Variants in NLRP7 observed in about 807,000 individuals in gnomAD.
The protein encoded by NLRP7 is NLR family pyrin domain containing 7.
In NLRP7, 72 loss-of-function variants were observed where a neutral mutation model predicts 85.5. The observed-to-expected ratio is 0.84, with a 90% confidence interval of 0.70 to 1.02. NLRP7 has a LOEUF of 1.02. NLRP7 is among the 50% of genes least tolerant of loss of function. The pLI, the probability that NLRP7 is intolerant of heterozygous loss-of-function variation, is 0.00. For missense variants in NLRP7, 1,243 were observed against 1,219.5 expected (o/e 1.02, Z -0.29); for synonymous variants, 550 against 505.2 (o/e 1.09, Z -1.19).
chr19:54,957,002 A>C (rs1035872269), intron 1 of NLRP7, among the ~76,000 whole-genome samples: 1 of 140,608 alleles, frequency 7.1e-6, no homozygotes, highest in African/African-American at 2.9e-5. Flanking sequence ...TCATTTATGT[A>C]TGTATGTATT....
chr19:54,933,542 A>G, intron 8 of NLRP7, 27 bp downstream of exon 8: 2 of 1,608,320 alleles, frequency 1.2e-6, no homozygotes, highest in Non-Finnish European at 1.7e-6. Flanking sequence ...TCATGTGCAC[A>G]CACACACACA....
At chr19:54,952,101 C>A (rs1423034404), upstream of NLRP7, among the ~76,000 whole-genome samples, 1 of 152,090 alleles carries the variant, frequency 6.6e-6, no homozygotes, top group Non-Finnish European at 1.5e-5. Flanking sequence ...AACTCTGGGA[C>A]ATTAGAATTA....
intron 4 of NLRP7, 111 bp downstream of exon 4, chr19:54,938,777 C>T: frequency 8.3e-7 from 1 of 1,203,892 alleles, no homozygotes; most frequent in Non-Finnish European, 1.2e-6. Flanking sequence ...CCACGTTGAA[C>T]ATGAAGCTGG....
intron 5 of NLRP7, among the ~76,000 whole-genome samples, chr19:54,937,187 C>A (rs2068968408): frequency 6.7e-6 from 1 of 149,108 alleles, no homozygotes; most frequent in Non-Finnish European, 1.5e-5. Flanking sequence ...CACTGCACTC[C>A]AGCCTGGGGA....
At chr19:54,955,074 T>C (rs2069808129) in intron 1 of NLRP7, among the ~76,000 whole-genome samples, 2 of 152,140 alleles carry the variant, frequency 1.3e-5, no homozygotes, top group African/African-American at 4.8e-5. Flanking sequence ...ACGCCTGCAA[T>C]CCCAGCACTT....
At chr19:54,936,126 C>G in intron 6 of NLRP7, 135 bp downstream of exon 6, 1 of 775,318 alleles carries the variant, frequency 1.3e-6, no homozygotes, top group Non-Finnish European at 2.2e-6. Context: ...GCCGACTCCC[C>G]CACACAGGCC....
chr19:54,930,115 C>CAAA (rs34446838), intron 9 of NLRP7, among the ~76,000 whole-genome samples: 5 of 100,562 alleles, frequency 5.0e-5, no homozygotes, highest in Admixed American at 2.3e-4. Flanking sequence ...GGCTCCGTCT[C>CAAA]AAAAAAAAAA....
exon 10 of NLRP7, chr19:54,923,576 G>T: frequency 1.3e-6 from 1 of 786,848 alleles, no homozygotes; most frequent in Non-Finnish European, 2.2e-6. Context: ...AAGGGGGTGC[G>T]TGACTCGTGC....
upstream of NLRP7, among the ~76,000 whole-genome samples, chr19:54,950,154 G>A (rs1053210066): frequency 2.0e-5 from 3 of 150,970 alleles, no homozygotes; most frequent in African/African-American, 4.9e-5. Context: ...TGGTGAACCC[G>A]GGTGCATTCG....
At chr19:54,950,029 G>A (rs2069618324), upstream of NLRP7, among the ~76,000 whole-genome samples, 1 of 151,886 alleles carries the variant, frequency 6.6e-6, no homozygotes, top group Non-Finnish European at 1.5e-5. Context: ...TTGAACGCAG[G>A]AGACAGAGGC....
At chr19:54,930,712 A>G (rs1351761801) in intron 8 of NLRP7, 46 bp from the exon 9 acceptor site, 1 of 1,537,408 alleles carries the variant, frequency 6.5e-7, no homozygotes, top group East Asian at 2.3e-5. Flanking sequence ...CCTCTGGCTA[A>G]CGCCCTGTGA....
chr19:54,934,660 C>G lies in NLRP7; in HGVS notation c.2301-1G>C, dbSNP rs376916534. The G allele has an allele frequency of 8.7e-6, 14 of 1,612,254 alleles. No homozygotes were observed. The highest frequency in any genetic ancestry group is 1.2e-5 in the Non-Finnish European group (14 of 1,179,246). ...CGGGGTGGCACAGTGACCTCCCAAC[C>G]TGTGAAAAGAGTGGGAAAAGTCATT... is the stretch of plus-strand genomic sequence containing the variant. On this transcript the variant is annotated splice_acceptor_variant, in intron 6 of 9. Transcript: ENST00000340844. LOFTEE classifies it high-confidence loss of function. This position sits in a 1 kb window ranked among gnomAD's most constrained non-coding sequence, Gnocchi z 6.7.
Position 54,945,278 on chromosome 19 carries a change from GT to G in NLRP7, c.-40+2190del, listed in dbSNP as rs796380528. The stretch of plus-strand genomic sequence containing the variant: ...AAAGAAAAGAAAAGAAAAATTCAGG[GT>G]TTTTTTTTTCTTTTTCAGAAAGTCT... On this transcript the variant is annotated intron_variant, in intron 1 of 9. Transcript: ENST00000340844. Among the ~76,000 whole-genome samples, 11 of 147,164 alleles carry G rather than the reference GT, an allele frequency of 7.5e-5. No individual in the cohort carries two copies. The South Asian group carries it at 8.6e-4, about 11-fold the overall frequency.
intron 1 of NLRP7, among the ~76,000 whole-genome samples, chr19:54,943,580 G>T (rs535411731): frequency 7.4e-6 from 1 of 134,676 alleles, no homozygotes; most frequent in Admixed American, 7.7e-5. Flanking sequence ...CAGCCTGGGC[G>T]ACAGAGCGAG....
intron 1 of NLRP7, among the ~76,000 whole-genome samples, chr19:54,958,569 CG>C (rs1488379590): frequency 6.6e-6 from 1 of 151,926 alleles, no homozygotes; most frequent in Non-Finnish European, 1.5e-5. Context: ...CGCTTGAACC[CG>C]GGAGGCAAAG....
chr19:54,940,223 T>C, exon 4 of NLRP7: 1 of 1,614,168 alleles, frequency 6.2e-7, no homozygotes, highest in Non-Finnish European at 8.5e-7. Flanking sequence ...CGGGCTGAGG[T>C]TGCAGTCTGT....
Position 54,937,592 on chromosome 19 carries a change from AG to A in NLRP7, c.2129+451del, listed in dbSNP as rs761222669. Among the ~76,000 whole-genome samples, 370 of 148,202 alleles carry A rather than the reference AG, an allele frequency of 2.5e-3. 3 individuals carry two copies. The highest frequency in any genetic ancestry group is 1.9e-3 in the Non-Finnish European group (126 of 66,980). On this transcript the variant is annotated intron_variant, in intron 5 of 9. Transcript: ENST00000340844. ...AGGTGACAGAGTGAAACTCTGTCTC[AG>A]AAAAAATAAAAAATAAAAAAGGGGC...
chr19:54,938,926 C>A (rs745618049), exon 4 of NLRP7: 1 of 1,614,184 alleles, frequency 6.2e-7, no homozygotes, highest in South Asian at 1.1e-5. Context: ...CCATGTAATT[C>A]TCCAGGAACA....
Position 54,947,450 on chromosome 19 carries a change from T to A in NLRP7, c.-40+19A>T, listed in dbSNP as rs772307316. ...TTAAACGAGAAGACAAAGAAATCGA[T>A]GCAAGAACCAGCACTCACCTCCCTC... is the stretch of plus-strand genomic sequence containing the variant. On this transcript the variant is annotated intron_variant, in intron 1 of 9. Coordinates refer to ENST00000340844, the Ensembl canonical transcript of NLRP7. 86 of 1,288,442 alleles carry A rather than the reference T, an allele frequency of 6.7e-5. No individual in the cohort carries two copies. In the South Asian group the frequency reaches 1.0e-3, roughly 15 times the overall value. 79.8% of individuals were successfully genotyped at this position (1,288,442 alleles called of 1,614,324 possible).
Sources: gnomAD v4.1 joint callset for allele counts (sites outside exome capture counted in the v4.1 genomes callset) on GRCh38, gnomAD v4.1.1 for gene constraint, Gnocchi (gnomAD v3.1) non-coding constraint, MANE v1.5 for transcripts, NCBI Gene and HGNC (gene_info 2026-07-23, HGNC 2026-07-21) for gene names.